STAG1: variants seen among roughly 807,000 people sequenced by gnomAD.
The protein encoded by STAG1 is STAG1 cohesin complex component.
In STAG1, 26 loss-of-function variants were observed where a neutral mutation model predicts 170.9. The observed-to-expected ratio is 0.15, with a 90% CI of 0.11 to 0.21. STAG1 has a LOEUF of 0.21. Ranked by LOEUF, STAG1 falls within the 10% of genes least tolerant of loss-of-function variation. The pLI, the probability that STAG1 is intolerant of heterozygous loss-of-function variation, is 1.00. For missense variants in STAG1, 964 were observed against 1,509.5 expected (o/e 0.64, Z 5.99); for synonymous variants, 514 against 497.7 (o/e 1.03, Z -0.44).
At chr3:136,397,952 ATTC>A (rs768787490) in intron 22 of STAG1, among the ~76,000 whole-genome samples, 114 of 151,626 alleles carry the variant, frequency 7.5e-4, no homozygotes, top group Non-Finnish European at 1.2e-3. Context: ...CAATGATGTT[ATTC>A]TTTTTTTTGA....
At chr3:136,487,673 A>T (rs901386838) in intron 9 of STAG1, among the ~76,000 whole-genome samples, 5 of 152,220 alleles carry the variant, frequency 3.3e-5, no homozygotes, top group Non-Finnish European at 5.9e-5. Flanking sequence ...ACATGTGAAT[A>T]ATCACAGACT....
intron 2 of STAG1, among the ~76,000 whole-genome samples, chr3:136,627,754 T>C (rs892703590): frequency 5.9e-5 from 9 of 152,196 alleles, no homozygotes; most frequent in African/African-American, 1.9e-4. Flanking sequence ...ATAACACTAC[T>C]AGACATAAAT....
At chr3:136,500,648 T>C (rs964168805) in intron 8 of STAG1, among the ~76,000 whole-genome samples, 8 of 152,186 alleles carry the variant, frequency 5.3e-5, no homozygotes, top group Non-Finnish European at 1.2e-4. Flanking sequence ...TTGCCTTTCT[T>C]GGTTAAAGGA....
chr3:136,341,968 T>C (rs916943442), intron 30 of STAG1, among the ~76,000 whole-genome samples: 1 of 152,292 alleles, frequency 6.6e-6, no homozygotes, highest in South Asian at 2.1e-4. Context: ...AAATCTGCAC[T>C]TGTACTCTAA....
chr3:136,751,118 A>G (rs1338150464), intron 1 of STAG1, among the ~76,000 whole-genome samples: 1 of 151,968 alleles, frequency 6.6e-6, no homozygotes, highest in Non-Finnish European at 1.5e-5. Context: ...AATAAACTCT[A>G]TCCATCTTAA....
chr3:136,397,019 G>GA (rs756880645), intron 22 of STAG1, among the ~76,000 whole-genome samples: 12 of 151,764 alleles, frequency 7.9e-5, no homozygotes, highest in Non-Finnish European at 1.6e-4. Context: ...ACTCAGAAAG[G>GA]AAAAAAAATT....
intron 1 of STAG1, among the ~76,000 whole-genome samples, chr3:136,700,876 CTTTTTTTTTTTTTTTT>C (rs35459362): frequency 2.6e-5 from 2 of 78,338 alleles, no homozygotes; most frequent in South Asian, 9.6e-4. Context: ...TATTTTTTTT[CTTTTTTTTTTTTTTTT>C]TTTTTTTGAG....
chr3:136,462,499 T>G lies in STAG1; in HGVS notation c.1313+2382A>C, dbSNP rs144729896. ...GGAGCTAAAAAAAAGATTGATCTCC[T>G]GGAGGGGCAGTAGAATGATCGCTAC... On this transcript the variant is annotated intron_variant, in intron 13 of 33. Transcript: ENST00000383202. 9.2e-3 allele frequency among the ~76,000 whole-genome samples: 1,407 copies of G among 152,218 alleles called. 29 individuals carry two copies. Among genetic ancestry groups the G allele is most frequent in the African/African-American group, 0.03 (1,256 of 41,530 alleles).
intron 4 of STAG1, among the ~76,000 whole-genome samples, chr3:136,604,061 A>T (rs1938816790): frequency 6.6e-6 from 1 of 152,176 alleles, no homozygotes; most frequent in African/African-American, 2.4e-5. Context: ...GACAATAAAA[A>T]TTCTCTTGGG....
At chr3:136,395,751 A>G (rs766111131) in intron 22 of STAG1, among the ~76,000 whole-genome samples, 2 of 152,242 alleles carry the variant, frequency 1.3e-5, no homozygotes, top group Non-Finnish European at 2.9e-5. Context: ...TATTTAGCCA[A>G]AATGCAAGTA....
chr3:136,712,991 T>C (rs1480967989), intron 1 of STAG1, among the ~76,000 whole-genome samples: 1 of 152,012 alleles, frequency 6.6e-6, no homozygotes, highest in Non-Finnish European at 1.5e-5. Flanking sequence ...CTCAGGAGGC[T>C]GAGGCAGGAG....
intron 10 of STAG1, among the ~76,000 whole-genome samples, chr3:136,476,646 A>G (rs142750525): frequency 6.6e-6 from 1 of 152,334 alleles, no homozygotes; most frequent in African/African-American, 2.4e-5. Context: ...AAAATAACTT[A>G]TAATGGGAAT....
At chr3:136,704,321 G>T (rs1016521675) in intron 1 of STAG1, among the ~76,000 whole-genome samples, 12 of 151,896 alleles carry the variant, frequency 7.9e-5, no homozygotes, top group African/African-American at 2.9e-4. Flanking sequence ...AAAGTACTGG[G>T]ATTACAGGCG....
chr3:136,655,954 T>C (rs1027708390), intron 1 of STAG1, among the ~76,000 whole-genome samples: 13 of 152,234 alleles, frequency 8.5e-5, no homozygotes, highest in South Asian at 4.1e-4. Context: ...AAATGAGGTC[T>C]TGAAGACATA....
At chr3:136,601,698 G>A (rs755295327) in intron 4 of STAG1, among the ~76,000 whole-genome samples, 9 of 151,950 alleles carry the variant, frequency 5.9e-5, no homozygotes, top group Non-Finnish European at 7.4e-5. Flanking sequence ...TTAGCTAGAC[G>A]TGGTGGCAGG....
rs546900433 is a variant in STAG1, at chr3:136,502,817, A to C, written c.677-38T>G. On this transcript the variant is annotated intron_variant, in intron 7 of 33. Coordinates refer to ENST00000383202, the MANE Select transcript of STAG1 (RefSeq NM_005862.3). Reference sequence around the variant, plus strand: ...GAAATATTATAATACCTATGAATCAAAACTTTATCCATATAAGATTACAAA... The same window carrying C: ...GAAATATTATAATACCTATGAATCACAACTTTATCCATATAAGATTACAAA... The C allele has an allele frequency of 5.4e-6, 8 of 1,473,990 alleles. No individual in the cohort carries two copies. The South Asian group carries it at 1.1e-4, about 20-fold the overall frequency. The allele number at this position is 1,473,990 out of a possible 1,614,324, so 91.3% of individuals were successfully genotyped here.
chr3:136,372,277 A>C (rs1937383601), intron 23 of STAG1, among the ~76,000 whole-genome samples: 1 of 152,216 alleles, frequency 6.6e-6, no homozygotes, highest in Non-Finnish European at 1.5e-5. Flanking sequence ...CTAAATATAC[A>C]ATCATGTCAT....
At chr3:136,659,087 C>T (rs1003366306) in intron 1 of STAG1, among the ~76,000 whole-genome samples, 1 of 152,136 alleles carries the variant, frequency 6.6e-6, no homozygotes, top group Non-Finnish European at 1.5e-5. Context: ...AACCTTCTCA[C>T]GCCTCATTGT....
At chr3:136,376,725 G>C (rs1162798063) in intron 23 of STAG1, among the ~76,000 whole-genome samples, 2 of 152,114 alleles carry the variant, frequency 1.3e-5, no homozygotes, top group Non-Finnish European at 2.9e-5. Flanking sequence ...AGGAGCTGAA[G>C]GTAAGATGAT....
Sources: allele counts gnomAD v4.1 joint callset (sites outside exome capture counted in the v4.1 genomes callset), GRCh38; gene constraint gnomAD v4.1.1; transcripts MANE v1.5; gene names NCBI Gene and HGNC (gene_info 2026-07-23, HGNC 2026-07-21).